Variants in ENOX1 observed in about 807,000 individuals in gnomAD.
The protein encoded by ENOX1 is ecto-NOX disulfide-thiol exchanger 1, also known as candidate growth-related and time keeping constitutive hydroquinone (NADH) oxidase.
In ENOX1, 42 loss-of-function variants were observed where a neutral mutation model predicts 82.5. The ratio of observed to expected loss-of-function variants is 0.51; its 90% CI spans 0.40 to 0.66. The LOEUF (loss-of-function observed/expected upper bound fraction) is 0.66, where lower values mean the gene tolerates loss of function less well. Ranked by LOEUF, ENOX1 falls within the 30% of genes least tolerant of loss-of-function variation. The probability of loss-of-function intolerance (pLI) is 0.00; values close to 1 mark genes in which losing one functional copy is unlikely to be tolerated. For missense variants in ENOX1, 608 were observed against 811.6 expected (o/e 0.75, Z 3.05); for synonymous variants, 271 against 282.2 (o/e 0.96, Z 0.40).
chr13:43,642,661 T>C lies in ENOX1; in HGVS notation c.-219+24818A>G, dbSNP rs146954973. ...CCCAATGTTCAAGGAGAGGAAAGTA[T>C]AGACTTCATTTCCCTCAAGATCCCA... On this transcript the variant is annotated intron_variant, in intron 2 of 16. Coordinates refer to ENST00000690772, the MANE Select transcript of ENOX1 (RefSeq NM_001347969.2). Among the ~76,000 whole-genome samples the C allele has an allele frequency of 2.6e-3, 394 of 152,282 alleles. 4 individuals carry two copies. Among genetic ancestry groups the C allele is most frequent in the Non-Finnish European group, 4.2e-3 (288 of 68,018 alleles).
chr13:43,482,958 A>G (rs1033794229), intron 3 of ENOX1, among the ~76,000 whole-genome samples: 6 of 152,128 alleles, frequency 3.9e-5, no homozygotes, highest in Non-Finnish European at 7.4e-5. Context: ...GGGGTTAATC[A>G]TGAGGCCCAA....
intron 12 of ENOX1, among the ~76,000 whole-genome samples, chr13:43,279,118 G>C (rs1266163960): frequency 6.6e-6 from 1 of 152,196 alleles, no homozygotes; most frequent in Non-Finnish European, 1.5e-5. Context: ...AGATTTTAGA[G>C]ACCATTTCCT....
At position 43,624,838 on chromosome 13, in the gene ENOX1, C is replaced by A. The variant is rs569114467; in HGVS notation, c.-219+42641G>T. Among the ~76,000 whole-genome samples, 5 of 152,144 alleles carry A rather than the reference C, an allele frequency of 3.3e-5. No homozygotes were observed. In the East Asian group the frequency reaches 7.7e-4, roughly 23 times the overall value. ...TAAAATTGCCTAGACTAAGTCCTTC[C>A]ACTTTTTAAAAATTGTTCAAAATAT... On this transcript the variant is annotated intron_variant, in intron 2 of 16. Coordinates refer to ENST00000690772, the MANE Select transcript of ENOX1 (RefSeq NM_001347969.2).
chr13:43,747,225 G>C (rs1950071231), intron 1 of ENOX1, among the ~76,000 whole-genome samples: 4 of 152,126 alleles, frequency 2.6e-5, no homozygotes. Context: ...CTCCATGCCT[G>C]GGACATAGTA....
chr13:43,672,321 G>A (rs1204919124), intron 1 of ENOX1, among the ~76,000 whole-genome samples: 1 of 152,142 alleles, frequency 6.6e-6, no homozygotes, highest in Non-Finnish European at 1.5e-5. Flanking sequence ...ATTTACTAAA[G>A]TAAAGTAAAG....
chr13:43,621,268 C>A (rs931429187), intron 2 of ENOX1, among the ~76,000 whole-genome samples: 9 of 152,146 alleles, frequency 5.9e-5, no homozygotes, highest in Admixed American at 5.9e-4. Context: ...CCATTGAATT[C>A]ATCATGCTAT....
At chr13:43,378,065 A>T (rs2051767064) in intron 5 of ENOX1, among the ~76,000 whole-genome samples, 1 of 152,262 alleles carries the variant, frequency 6.6e-6, no homozygotes, top group Non-Finnish European at 1.5e-5. Context: ...AGGAGAGAGT[A>T]ACAGTGACTG....
chr13:43,532,888 TTAAA>T lies in ENOX1; in HGVS notation c.-218-48740_-218-48737del, dbSNP rs1261632319. ...ATGTGTAAATATATATACAAATATA[TTAAA>T]TATATATATTAAAATTTTCTATTTT... On this transcript the variant is annotated intron_variant, in intron 2 of 16. Coordinates refer to ENST00000690772, the MANE Select transcript of ENOX1 (RefSeq NM_001347969.2). 2.0e-5 allele frequency among the ~76,000 whole-genome samples: 3 copies of T among 150,448 alleles called. No homozygotes were observed. The East Asian group carries it at 5.8e-4, about 29-fold the overall frequency.
chr13:43,698,782 T>G (rs1029760655), intron 1 of ENOX1, among the ~76,000 whole-genome samples: 1 of 152,154 alleles, frequency 6.6e-6, no homozygotes, highest in Non-Finnish European at 1.5e-5. Context: ...GATATATTTA[T>G]TCAAAACTAA....
chr13:43,322,112 T>A (rs969017740), intron 11 of ENOX1, among the ~76,000 whole-genome samples: 3 of 152,188 alleles, frequency 2.0e-5, no homozygotes, highest in Non-Finnish European at 2.9e-5. Context: ...TGCCGTACTC[T>A]GGAAAAGGAT....
chr13:43,337,732 TC>T (rs1209088568), intron 9 of ENOX1, among the ~76,000 whole-genome samples: 1 of 152,082 alleles, frequency 6.6e-6, no homozygotes, highest in African/African-American at 2.4e-5. Flanking sequence ...TTCTTAATTT[TC>T]ATTTTACACA....
chr13:43,339,795 C>T (rs565385578), intron 9 of ENOX1, among the ~76,000 whole-genome samples: 32 of 152,286 alleles, frequency 2.1e-4, no homozygotes, highest in African/African-American at 7.5e-4. Context: ...GGTGCAATTC[C>T]TGAATACTCA....
chr13:43,459,898 G>T (rs1219915676), intron 3 of ENOX1, among the ~76,000 whole-genome samples: 1 of 152,156 alleles, frequency 6.6e-6, no homozygotes, highest in Non-Finnish European at 1.5e-5. Flanking sequence ...GGATGCTGAG[G>T]CAGGAGAATT....
At chr13:43,724,107 T>C (rs923827217) in intron 1 of ENOX1, among the ~76,000 whole-genome samples, 3 of 152,232 alleles carry the variant, frequency 2.0e-5, no homozygotes, top group African/African-American at 7.2e-5. Context: ...TTAAATAATG[T>C]TGTGAACACC....
At chr13:43,448,258 G>A (rs1367981236) in intron 3 of ENOX1, among the ~76,000 whole-genome samples, 1 of 152,158 alleles carries the variant, frequency 6.6e-6, no homozygotes, top group Non-Finnish European at 1.5e-5. Flanking sequence ...TGCTAATTGT[G>A]CAAAGACAGA....
intron 12 of ENOX1, among the ~76,000 whole-genome samples, chr13:43,283,752 AT>A (rs575411895): frequency 6.8e-6 from 1 of 147,834 alleles, no homozygotes; most frequent in East Asian, 2.0e-4. Context: ...TACCTGGCCT[AT>A]TTTTTTTTCA....
At chr13:43,674,687 C>T (rs2085425985) in intron 1 of ENOX1, among the ~76,000 whole-genome samples, 1 of 152,060 alleles carries the variant, frequency 6.6e-6, no homozygotes, top group South Asian at 2.1e-4. Context: ...TTTATCCAAA[C>T]CCATAGAATA....
chr13:43,691,574 G>C (rs781125732), intron 1 of ENOX1, among the ~76,000 whole-genome samples: 1 of 151,898 alleles, frequency 6.6e-6, no homozygotes, highest in African/African-American at 2.4e-5. Flanking sequence ...CCTCACCTAA[G>C]AGACTTTCAC....
intron 1 of ENOX1, among the ~76,000 whole-genome samples, chr13:43,741,226 A>G (rs1224957438): frequency 6.6e-6 from 1 of 152,032 alleles, no homozygotes; most frequent in African/African-American, 2.4e-5. Flanking sequence ...CTGGGATCAC[A>G]GGCACATGCC....
Sources: gnomAD v4.1 joint callset for allele counts (sites outside exome capture counted in the v4.1 genomes callset) on GRCh38, gnomAD v4.1.1 for gene constraint, MANE v1.5 for transcripts, NCBI Gene and HGNC (gene_info 2026-07-23, HGNC 2026-07-21) for gene names.